The following RANBP17 variants were observed in gnomAD, a reference collection of about 807,000 sequenced individuals.
RANBP17 encodes the protein ran-binding protein 17.
In RANBP17, 158 loss-of-function variants were observed where a neutral mutation model predicts 141.2. That is an observed-to-expected ratio of 1.12 (90% confidence interval 0.98 to 1.28). RANBP17 has a LOEUF of 1.28. RANBP17 is among the 50% of genes most tolerant of loss of function. The pLI is 0.00. For synonymous variants in RANBP17, 430 were observed against 450.0 expected (o/e 0.96, Z 0.56); for missense variants, 1,438 against 1,290.7 (o/e 1.11, Z -1.75).
At chr5:171,004,158 G>A (rs1561976774) in intron 14 of RANBP17, among the ~76,000 whole-genome samples, 1 of 152,092 alleles carries the variant, frequency 6.6e-6, no homozygotes, top group Non-Finnish European at 1.5e-5. Flanking sequence ...TGGGGTAAGG[G>A]TGATTAGGTT....
rs181207396 is a variant in RANBP17, at chr5:170,915,995, A to T, written c.835-470A>T. On this transcript the variant is annotated intron_variant, in intron 8 of 27. Coordinates refer to ENST00000523189, the MANE Select transcript of RANBP17 (RefSeq NM_022897.5). ...GGAATTTTTATGATGGGGTAGAAGG[A>T]TTGTGGGTGGTGGGAGTGGTTGATG... is the stretch of plus-strand genomic sequence containing the variant. 4.7e-3 allele frequency among the ~76,000 whole-genome samples: 722 copies of T among 152,100 alleles called. 4 individuals are homozygous for T. Among genetic ancestry groups the T allele is most frequent in the African/African-American group, 0.017 (700 of 41,496 alleles).
chr5:170,913,673 A>T (rs1442083756), intron 7 of RANBP17, among the ~76,000 whole-genome samples: 1 of 152,096 alleles, frequency 6.6e-6, no homozygotes, highest in Non-Finnish European at 1.5e-5. Context: ...TCGTGATTAG[A>T]CAGCTAAAGC....
chr5:171,018,539 A>G (rs1296387287), intron 14 of RANBP17, among the ~76,000 whole-genome samples: 1 of 152,152 alleles, frequency 6.6e-6, no homozygotes, highest in Non-Finnish European at 1.5e-5. Flanking sequence ...GAGTTCATTC[A>G]TGATTTGGCT....
chr5:171,033,465 T>C (rs1175678594), intron 14 of RANBP17, among the ~76,000 whole-genome samples: 1 of 152,174 alleles, frequency 6.6e-6, no homozygotes, highest in Non-Finnish European at 1.5e-5. Context: ...AGTTATAACC[T>C]GGGACCATGC....
intron 25 of RANBP17, among the ~76,000 whole-genome samples, chr5:171,287,341 A>G (rs923871230): frequency 6.6e-5 from 10 of 152,086 alleles, no homozygotes; most frequent in Admixed American, 6.5e-5. Flanking sequence ...AAATAGAAAA[A>G]AAGCTGGGTG....
At chr5:171,096,621 G>A (rs1280342277) in intron 14 of RANBP17, among the ~76,000 whole-genome samples, 1 of 152,136 alleles carries the variant, frequency 6.6e-6, no homozygotes, top group Non-Finnish European at 1.5e-5. Flanking sequence ...CAAAGGGTAA[G>A]AGAAAAAGAT....
chr5:170,989,326 A>G (rs1778351606), intron 14 of RANBP17, among the ~76,000 whole-genome samples: 2 of 151,796 alleles, frequency 1.3e-5, no homozygotes, highest in African/African-American at 2.4e-5. Context: ...TGAATGCTTA[A>G]CATCCATATA....
chr5:171,186,484 A>T (rs1171986181), intron 18 of RANBP17, among the ~76,000 whole-genome samples: 1 of 132,370 alleles, frequency 7.6e-6, no homozygotes, highest in African/African-American at 2.9e-5. Flanking sequence ...CTTGCTTCAC[A>T]TTAGGCTTTG....
intron 14 of RANBP17, among the ~76,000 whole-genome samples, chr5:171,108,630 T>C (rs1432103059): frequency 6.6e-6 from 1 of 152,092 alleles, no homozygotes; most frequent in Non-Finnish European, 1.5e-5. Context: ...CCAGCTGGTC[T>C]CAAACTCCTG....
At chr5:171,029,528 G>GAA (rs1408257224) in intron 14 of RANBP17, among the ~76,000 whole-genome samples, 31 of 152,074 alleles carry the variant, frequency 2.0e-4, no homozygotes, top group Non-Finnish European at 4.4e-4. Flanking sequence ...GGCTTGCCAT[G>GAA]AATTCTTTCC....
intron 14 of RANBP17, among the ~76,000 whole-genome samples, chr5:171,083,045 A>C (rs932196451): frequency 9.2e-5 from 14 of 152,184 alleles, no homozygotes; most frequent in Admixed American, 5.9e-4. Flanking sequence ...TTTTCAGAAT[A>C]AAGTATTCAA....
Position 170,968,312 on chromosome 5 carries a change from A to C in RANBP17, c.1645A>C (p.Ile549Leu). ...RCCNEKIELA[I>L]LWFLDQFRKT... ...TTGTAATGAGAAAATAGAGCTTGCA[A>C]TTCTGTGGTTCTTGGATCAGTTTCG... The change falls in exon 14 of 28, where the codon ATT becomes CTT. Residue 549 changes from isoleucine to leucine, a missense_variant. Coordinates refer to ENST00000523189, the MANE Select transcript of RANBP17 (RefSeq NM_022897.5). 6.2e-7 allele frequency: 1 copy of C among 1,609,796 alleles called. No homozygotes were observed. Among genetic ancestry groups the C allele is most frequent in the South Asian group, 1.1e-5 (1 of 90,298 alleles).
chr5:171,178,767 A>C (rs1452481515), intron 16 of RANBP17, among the ~76,000 whole-genome samples: 1 of 152,166 alleles, frequency 6.6e-6, no homozygotes, highest in Non-Finnish European at 1.5e-5. Context: ...TTCTCTAATG[A>C]CCAGTAATGA....
intron 14 of RANBP17, among the ~76,000 whole-genome samples, chr5:171,068,857 A>G (rs1784467878): frequency 6.6e-6 from 1 of 152,148 alleles, no homozygotes; most frequent in Non-Finnish European, 1.5e-5. Flanking sequence ...AACTCCTGGG[A>G]TTATAGGCAG....
At chr5:171,155,552 A>G (rs1758841939) in intron 14 of RANBP17, among the ~76,000 whole-genome samples, 1 of 152,174 alleles carries the variant, frequency 6.6e-6, no homozygotes, top group Admixed American at 6.5e-5. Flanking sequence ...CCCTAATTCC[A>G]TAATCTGTGA....
intron 3 of RANBP17, among the ~76,000 whole-genome samples, chr5:170,890,286 T>A (rs1422151): frequency 0.63 from 95,962 of 152,074 alleles, 31,226 homozygotes; most frequent in South Asian, 0.9. Context: ...CATCTTCTTA[T>A]GTTTTGTTAT....
chr5:171,047,034 T>TG (rs397999907), intron 14 of RANBP17, among the ~76,000 whole-genome samples: 1 of 145,296 alleles, frequency 6.9e-6, no homozygotes, highest in African/African-American at 2.6e-5. Flanking sequence ...TTTTTTTTTT[T>TG]GAGATGGAGT....
At position 171,093,620 on chromosome 5, in the gene RANBP17, A is replaced by G. The variant is rs1581619753; in HGVS notation, c.1711-76510A>G. On this transcript the variant is annotated intron_variant, in intron 14 of 27. Transcript: ENST00000523189. The stretch of plus-strand genomic sequence containing the variant: ...CACTGGTATAATTTTCATGACCTCT[A>G]AACAGTTCTGTATTTTTTAATGACT... Among the ~76,000 whole-genome samples the G allele has an allele frequency of 5.3e-5, 8 of 152,346 alleles. 1 individual carries two copies. The South Asian group carries it at 1.7e-3, about 32-fold the overall frequency.
At position 170,953,580 on chromosome 5, in the gene RANBP17, T is replaced by A. The variant is rs1775370184; in HGVS notation, c.1469-17T>A. ...ATGAATACTTACTAAACTTTTTTCT[T>A]CCTTATTCTATATTAGGACGTCTTG... is the stretch of plus-strand genomic sequence containing the variant. On this transcript the variant is annotated splice_polypyrimidine_tract_variant and intron_variant, in intron 12 of 27. Transcript: ENST00000523189. 1.3e-6 allele frequency: 2 copies of A among 1,552,064 alleles called. No individual in the cohort carries two copies. Among genetic ancestry groups the A allele is most frequent in the South Asian group, 2.3e-5 (2 of 85,302 alleles).
Sources: gnomAD v4.1 joint callset for allele counts (sites outside exome capture counted in the v4.1 genomes callset) on GRCh38, gnomAD v4.1.1 for gene constraint, MANE v1.5 for transcripts, NCBI Gene and HGNC (gene_info 2026-07-23, HGNC 2026-07-21) for gene names.